EFCAB5: variants seen among roughly 807,000 people sequenced by gnomAD.
EFCAB5 encodes EF-hand calcium binding domain 5.
In EFCAB5, 131 loss-of-function variants were observed where a neutral mutation model predicts 167.9. The observed-to-expected ratio is 0.78, with a 90% CI of 0.68 to 0.90. EFCAB5 has a LOEUF of 0.90. Among genes scored for constraint, EFCAB5 ranks in the 40% least tolerant of loss-of-function variants. The pLI, the probability that EFCAB5 is intolerant of heterozygous loss-of-function variation, is 0.00. For missense variants in EFCAB5, 1,663 were observed against 1,745.2 expected (o/e 0.95, Z 0.84); for synonymous variants, 574 against 602.8 (o/e 0.95, Z 0.70).
At chr17:30,096,652 C>CATATATAT (rs200424980) in intron 22 of EFCAB5, among the ~76,000 whole-genome samples, 19 of 93,566 alleles carry the variant, frequency 2.0e-4, no homozygotes, top group African/African-American at 8.2e-4. Flanking sequence ...ATCCTGAAAG[C>CATATATAT]ATATATATAT....
In EFCAB5 at chr17:29,943,980, T is replaced by A. The variant is rs371862643; in HGVS notation, c.190+331T>A. ...AGAGCGAAACTCCATCTCAAAAAAA[T>A]AAATAAATAAAAGAATCTAAAACTA... On this transcript the variant is annotated intron_variant, in intron 3 of 22. Coordinates refer to ENST00000394835, the MANE Select transcript of EFCAB5 (RefSeq NM_198529.4). Among the ~76,000 whole-genome samples, 160 of 152,114 alleles carry A rather than the reference T, an allele frequency of 1.1e-3. 5 individuals are homozygous for A. In the East Asian group the frequency reaches 0.027, roughly 26 times the overall value.
Position 30,053,527 on chromosome 17 carries a change from G to C in EFCAB5, c.1573G>C (p.Glu525Gln). Reference protein sequence around the residue: ...EQGPQRISIEEQQQGKKPTAE... With the variant: ...EQGPQRISIEQQQQGKKPTAE... ...AGGACCACAAAGAATTTCAATTGAA[G>C]AACAACAACAAGGCAAAAAGCCAAC... Residue 525 changes from glutamate to glutamine, a missense_variant, in exon 10 of 23, where the codon GAA becomes CAA. Glu to Gln is a conservative substitution (Grantham distance 29, BLOSUM62 2). Coordinates refer to ENST00000394835, the MANE Select transcript of EFCAB5 (RefSeq NM_198529.4). 6.2e-7 allele frequency: 1 copy of C among 1,613,794 alleles called. No individual in the cohort carries two copies. Among genetic ancestry groups the C allele is most frequent in the Middle Eastern group, 1.6e-4 (1 of 6,062 alleles).
chr17:30,055,798 T>C (rs753507764), intron 10 of EFCAB5, 90 bp from the exon 11 acceptor site: 3 of 1,356,108 alleles, frequency 2.2e-6, no homozygotes, highest in Non-Finnish European at 3.1e-6. Flanking sequence ...GTGTTCTATA[T>C]GCAATGCATT....
intron 3 of EFCAB5, among the ~76,000 whole-genome samples, chr17:29,956,481 C>G (rs2067617300): frequency 6.6e-6 from 1 of 152,222 alleles, no homozygotes; most frequent in Non-Finnish European, 1.5e-5. Context: ...GTTTGAACAG[C>G]TGACTGTCTG....
intron 4 of EFCAB5, among the ~76,000 whole-genome samples, chr17:29,992,257 A>G (rs183660923): frequency 2.0e-5 from 3 of 152,066 alleles, no homozygotes; most frequent in East Asian, 3.9e-4. Context: ...GGCTTTTTTC[A>G]CTTAGCATAA....
chr17:30,089,163 T>G (rs1031088918), intron 19 of EFCAB5, among the ~76,000 whole-genome samples: 2 of 151,996 alleles, frequency 1.3e-5, no homozygotes, highest in African/African-American at 2.4e-5. Context: ...ATTGTTCAAT[T>G]CCCACCTATG....
intron 7 of EFCAB5, among the ~76,000 whole-genome samples, chr17:30,026,778 G>T: frequency 6.6e-6 from 1 of 151,844 alleles, no homozygotes; most frequent in South Asian, 2.1e-4. Context: ...ATCTTGCTAT[G>T]TTGCCCAGGC....
chr17:30,083,556 G>A (rs892549971), intron 18 of EFCAB5, among the ~76,000 whole-genome samples: 1 of 152,222 alleles, frequency 6.6e-6, no homozygotes, highest in African/African-American at 2.4e-5. Flanking sequence ...CCGGGCTCAA[G>A]CAAGTCCCCT....
At position 30,007,750 on chromosome 17, in the gene EFCAB5, G is replaced by A. The variant is rs564232029; in HGVS notation, c.1044+7774G>A. 3.3e-5 allele frequency among the ~76,000 whole-genome samples: 5 copies of A among 152,298 alleles called. No homozygotes were observed. In the South Asian group the frequency reaches 8.3e-4, roughly 25 times the overall value. On this transcript the variant is annotated intron_variant, in intron 7 of 22. Transcript: ENST00000394835. Reference sequence around the variant, plus strand: ...ACCTGTTATACCACCATTTTGGAAGGCCAAGGCTGGAGGATCGCTTGAGCC... The same window carrying A: ...ACCTGTTATACCACCATTTTGGAAGACCAAGGCTGGAGGATCGCTTGAGCC...
intron 7 of EFCAB5, among the ~76,000 whole-genome samples, chr17:30,022,411 G>A (rs2069201556): frequency 6.6e-6 from 1 of 152,050 alleles, no homozygotes; most frequent in Admixed American, 6.6e-5. Flanking sequence ...ACACATGCAG[G>A]CACGCACACA....
At chr17:30,096,647 G>A (rs1465696482) in intron 22 of EFCAB5, among the ~76,000 whole-genome samples, 1 of 131,828 alleles carries the variant, frequency 7.6e-6, no homozygotes, top group Non-Finnish European at 1.6e-5. Context: ...CTTTTATCCT[G>A]AAAGCATATA....
At chr17:30,046,458 GA>G (rs2069931626) in intron 8 of EFCAB5, among the ~76,000 whole-genome samples, 1 of 152,164 alleles carries the variant, frequency 6.6e-6, no homozygotes, top group Admixed American at 6.5e-5. Context: ...ATTGCAGTCA[GA>G]AAACCTGATC....
chr17:30,094,521 A>T (rs531752381), intron 22 of EFCAB5, among the ~76,000 whole-genome samples: 21 of 149,542 alleles, frequency 1.4e-4, no homozygotes, highest in South Asian at 1.0e-3. Flanking sequence ...AAAAAAAAAA[A>T]AAAAAAAAAA....
chr17:30,016,981 C>A (rs113737075), intron 7 of EFCAB5, among the ~76,000 whole-genome samples: 3 of 151,924 alleles, frequency 2.0e-5, no homozygotes, highest in African/African-American at 7.3e-5. Context: ...AGTTTGAGAC[C>A]AGCCTGGGCA....
rs143462004 is a variant in EFCAB5 at position 29,977,778 on chromosome 17, C to A, written c.767+8411C>A. On this transcript the variant is annotated intron_variant, in intron 4 of 22. Transcript: ENST00000394835. ...GACCAAGTTAGTATAAATATTCAAGCCTTAAGGATACACAAACCAAGTAAA... is the reference window on the plus strand; with the variant it reads ...GACCAAGTTAGTATAAATATTCAAGACTTAAGGATACACAAACCAAGTAAA... 4.1e-3 allele frequency among the ~76,000 whole-genome samples: 629 copies of A among 152,214 alleles called. 5 individuals carry two copies. Among genetic ancestry groups the A allele is most frequent in the African/African-American group, 0.014 (594 of 41,518 alleles).
chr17:30,084,109 G>C (rs1324900473), intron 18 of EFCAB5, among the ~76,000 whole-genome samples: 2 of 152,146 alleles, frequency 1.3e-5, no homozygotes, highest in Non-Finnish European at 2.9e-5. Context: ...GCCCACACAG[G>C]CATGTCCACA....
intron 5 of EFCAB5, among the ~76,000 whole-genome samples, chr17:29,994,130 ACAAATAT>A: frequency 1.2e-5 from 1 of 83,116 alleles, no homozygotes; most frequent in Non-Finnish European, 2.3e-5. Context: ...AACAACAACA[ACAAATAT>A]ATATATATAT....
intron 4 of EFCAB5, among the ~76,000 whole-genome samples, chr17:29,990,556 C>G: frequency 6.6e-6 from 1 of 152,162 alleles, no homozygotes; most frequent in East Asian, 1.9e-4. Flanking sequence ...ACTAGATCTA[C>G]CTAGAAGTAA....
chr17:29,935,737 C>G (rs978467325), intron 1 of EFCAB5, among the ~76,000 whole-genome samples: 1 of 148,494 alleles, frequency 6.7e-6, no homozygotes, highest in Non-Finnish European at 1.5e-5. Context: ...AAACAAAAAA[C>G]AAGAAAAAAC....
Sources: allele counts gnomAD v4.1 joint callset (sites outside exome capture counted in the v4.1 genomes callset), GRCh38; gene constraint gnomAD v4.1.1; transcripts MANE v1.5; gene names NCBI Gene and HGNC (gene_info 2026-07-23, HGNC 2026-07-21).